Variants in CLTC observed in about 807,000 individuals in gnomAD.
CLTC encodes the protein clathrin heavy chain 1.
A neutral mutation model predicts 195.8 loss-of-function variants in CLTC; 16 were observed. That is an observed-to-expected ratio of 0.08 (90% confidence interval 0.06 to 0.12). The LOEUF (loss-of-function observed/expected upper bound fraction) is 0.12. CLTC is among the 10% of genes least tolerant of loss of function. CLTC has a pLI of 1.00. For missense variants in CLTC, 796 were observed against 2,027.0 expected (o/e 0.39, Z 11.66); for synonymous variants, 667 against 689.4 (o/e 0.97, Z 0.51).
intron 4 of CLTC, among the ~76,000 whole-genome samples, chr17:59,649,560 A>G (rs898680479): frequency 1.3e-5 from 2 of 152,214 alleles, no homozygotes; most frequent in Non-Finnish European, 2.9e-5. Flanking sequence ...CCCATCAGGA[A>G]GAGGGTTTAG....
At chr17:59,664,976 T>C in intron 10 of CLTC, 67 bp downstream of exon 10, 1 of 1,585,076 alleles carries the variant, frequency 6.3e-7, no homozygotes, top group Non-Finnish European at 8.6e-7. Context: ...GCCATGGTGG[T>C]TGACTTGGGA....
In CLTC at chr17:59,693,745, C is replaced by T; in HGVS notation, c.4921C>T (p.Leu1641=). Reference sequence around the variant, plus strand: ...TACTGTAGGTCAGCCCCAGTTGATGCTGACAGCAGGACCCAGTGTTGCCGT... The same window carrying T: ...TACTGTAGGTCAGCCCCAGTTGATGTTGACAGCAGGACCCAGTGTTGCCGT... ...PIVYGQPQLM[L]TAGPSVAVPP... Residue 1641 remains leucine, a synonymous_variant, in exon 32 of 32, where the codon CTG becomes TTG. Coordinates refer to ENST00000269122, the MANE Select transcript of CLTC (RefSeq NM_004859.4). The T allele has an allele frequency of 1.2e-6, 2 of 1,613,068 alleles. No homozygotes were observed. The highest frequency in any genetic ancestry group is 4.5e-5 in the East Asian group (2 of 44,720).
intron 1 of CLTC, among the ~76,000 whole-genome samples, 195 bp from the exon 2 acceptor site, chr17:59,644,081 T>C (rs1190980226): frequency 1.3e-5 from 2 of 152,226 alleles, no homozygotes; most frequent in African/African-American, 4.8e-5. Flanking sequence ...TTTGAAACAG[T>C]TGAATGGCAT....
intron 1 of CLTC, among the ~76,000 whole-genome samples, chr17:59,625,149 C>A (rs999349531): frequency 6.6e-6 from 1 of 151,002 alleles, no homozygotes; most frequent in African/African-American, 2.4e-5. Flanking sequence ...CTCACTCTGT[C>A]GCCAGGCTGG....
At position 59,696,017 on chromosome 17, in the gene CLTC, T is replaced by C. The variant is rs1598254056; in HGVS notation, c.*2165T>C. 2 of 206,934 alleles carry C rather than the reference T, an allele frequency of 9.7e-6. No homozygotes were observed. Among genetic ancestry groups the C allele is most frequent in the East Asian group, 7.4e-5 (1 of 13,594 alleles). The allele number at this position is 206,934 out of a possible 1,614,324, so 12.8% of individuals were successfully genotyped here. On this transcript the variant is annotated 3_prime_UTR_variant, in exon 32 of 32. Transcript: ENST00000269122. Reference sequence around the variant, plus strand: ...TTCATAGTATTCCTTTTAGTAGATATGCCATGACAGTTACTTAGCCACCCC... The same window carrying C: ...TTCATAGTATTCCTTTTAGTAGATACGCCATGACAGTTACTTAGCCACCCC...
At chr17:59,643,226 T>C (rs1368455921) in intron 1 of CLTC, among the ~76,000 whole-genome samples, 1 of 151,308 alleles carries the variant, frequency 6.6e-6, no homozygotes, top group African/African-American at 2.4e-5. Flanking sequence ...ATAAAACTAG[T>C]CTGGCCAAGG....
chr17:59,659,271 G>GGGA (rs1362415231), intron 6 of CLTC, among the ~76,000 whole-genome samples: 2 of 152,022 alleles, frequency 1.3e-5, no homozygotes, highest in Non-Finnish European at 2.9e-5. Context: ...GAATGGGATG[G>GGGA]ATGGGTAGAG....
intron 18 of CLTC, 138 bp from the exon 19 acceptor site, chr17:59,680,774 C>T (rs2033065847): frequency 1.7e-6 from 1 of 579,556 alleles, no homozygotes; most frequent in Non-Finnish European, 3.0e-6. Context: ...TGTAGAAAGA[C>T]CTCTCTATGT....
At position 59,682,626 on chromosome 17, in the gene CLTC, C is replaced by T; in HGVS notation, c.3601-3C>T. The T allele has an allele frequency of 6.2e-7, 1 of 1,602,666 alleles. No individual in the cohort carries two copies. The highest frequency in any genetic ancestry group is 8.5e-7 in the Non-Finnish European group (1 of 1,176,140). ...TGAATGTGGGTTACCTTTTTTTTTC[C>T]AGGTTGGTGACCGTTGTTATGATGA... On this transcript the variant is annotated splice_region_variant and splice_polypyrimidine_tract_variant and intron_variant, in intron 22 of 31. Transcript: ENST00000269122. The surrounding 1 kb of genome is among the most constrained non-coding windows in gnomAD (Gnocchi z 6.8).
Position 59,682,539 on chromosome 17 carries a change from ATTCT to A in CLTC, c.3601-85_3601-82del, listed in dbSNP as rs1398289371. On this transcript the variant is annotated intron_variant, in intron 22 of 31. Transcript: ENST00000269122. This position sits in a 1 kb window ranked among gnomAD's most constrained non-coding sequence, Gnocchi z 6.8. ...CAAGGAAAAATCTATAGGAAAACAA[ATTCT>A]TTCTCATTGTGAAGATATCAATTTG... 7 of 1,577,714 alleles carry A rather than the reference ATTCT, an allele frequency of 4.4e-6. No individual in the cohort carries two copies. The South Asian group carries it at 8.0e-5, about 18-fold the overall frequency.
rs1001854727 is a variant in CLTC at position 59,620,075 on chromosome 17, G to A, written c.-57G>A. 16 of 1,567,440 alleles carry A rather than the reference G, an allele frequency of 1.0e-5. No individual in the cohort carries two copies. Among genetic ancestry groups the A allele is most frequent in the Admixed American group, 1.7e-5 (1 of 59,640 alleles). On this transcript the variant is annotated 5_prime_UTR_variant, in exon 1 of 32. Coordinates refer to ENST00000269122, the MANE Select transcript of CLTC (RefSeq NM_004859.4). ...TCCTCCTCTCCCTTGGAGAGCCCGG[G>A]CAGCCACTGCCCCGCAGCCCCAGTG... is the stretch of plus-strand genomic sequence containing the variant.
chr17:59,663,184 T>C (rs966845638), intron 8 of CLTC, among the ~76,000 whole-genome samples: 19 of 152,206 alleles, frequency 1.2e-4, no homozygotes, highest in Non-Finnish European at 2.6e-4. Context: ...TACTATAGTA[T>C]GTAAACCAGA....
rs1447525435 is a variant in CLTC, at chr17:59,687,045, T to G, written c.4827+1237T>G. ...AGGTGAAAGTTGATTCTTTAACATC[T>G]TTAAGTCTGGAGGACTAAGTCTAAG... On this transcript the variant is annotated intron_variant, in intron 30 of 31. Coordinates refer to ENST00000269122, the MANE Select transcript of CLTC (RefSeq NM_004859.4). 3.0e-6 allele frequency: 3 copies of G among 984,126 alleles called. No homozygotes were observed. In the African/African-American group the frequency reaches 5.2e-5, roughly 17 times the overall value. 61.0% of individuals were successfully genotyped at this position (984,126 alleles called of 1,614,324 possible). A position where few individuals can be genotyped will look rare whatever the true frequency, so the allele number is the denominator to read the frequency against.
rs368317502 is a variant in CLTC at position 59,648,211 on chromosome 17, C to G, written c.520-29C>G. 5.1e-6 allele frequency: 8 copies of G among 1,576,428 alleles called. No individual in the cohort carries two copies. In the African/African-American group the frequency reaches 9.5e-5, roughly 19 times the overall value. On this transcript the variant is annotated intron_variant, in intron 3 of 31. Coordinates refer to ENST00000269122, the MANE Select transcript of CLTC (RefSeq NM_004859.4). This position sits in a 1 kb window ranked among gnomAD's most constrained non-coding sequence, Gnocchi z 4.5. The stretch of plus-strand genomic sequence containing the variant: ...TGAGAGTTTTTGATTTATGGGTCTT[C>G]AAACGTTATTCTCTTTGATCCTTTA...
intron 1 of CLTC, among the ~76,000 whole-genome samples, chr17:59,639,861 G>C (rs1326662883): frequency 6.6e-6 from 1 of 151,548 alleles, no homozygotes; most frequent in African/African-American, 2.4e-5. Context: ...GTACTGAGGA[G>C]GCTGAGGTAG....
chr17:59,692,945 G>A (rs937898014), intron 31 of CLTC, among the ~76,000 whole-genome samples: 1 of 152,030 alleles, frequency 6.6e-6, no homozygotes, highest in Non-Finnish European at 1.5e-5. Context: ...GCCCAAATGT[G>A]TCTTATTTTT....
chr17:59,665,458 G>A (rs2032707880), intron 10 of CLTC, among the ~76,000 whole-genome samples: 1 of 152,182 alleles, frequency 6.6e-6, no homozygotes. Flanking sequence ...TTGCCACTGG[G>A]TGTGGGGAGA....
Position 59,659,686 on chromosome 17 carries a change from G to GA in CLTC, c.970-704dup, listed in dbSNP as rs2032564342. On this transcript the variant is annotated intron_variant, in intron 6 of 31. Coordinates refer to ENST00000269122, the MANE Select transcript of CLTC (RefSeq NM_004859.4). ...GCTGGTCTTGAACTCCTGACCTCAT[G>GA]ATCCACCTGCCTTGGCCTCCCAAAG... Among the ~76,000 whole-genome samples, 15 of 152,018 alleles carry GA rather than the reference G, an allele frequency of 9.9e-5. 1 individual carries two copies. The South Asian group carries it at 2.9e-3, about 30-fold the overall frequency.
In CLTC at chr17:59,696,115, T is replaced by TAG. The variant is rs1411609376; in HGVS notation, c.*2263_*2264insAG. 1.9e-5 allele frequency: 4 copies of TAG among 215,312 alleles called. No individual in the cohort carries two copies. Among genetic ancestry groups the TAG allele is most frequent in the Non-Finnish European group, 2.8e-5 (3 of 106,862 alleles). 13.3% of individuals were successfully genotyped at this position (215,312 alleles called of 1,614,324 possible). A position where few individuals can be genotyped will look rare whatever the true frequency, so the allele number is the denominator to read the frequency against. On this transcript the variant is annotated 3_prime_UTR_variant, in exon 32 of 32. Coordinates refer to ENST00000269122, the MANE Select transcript of CLTC (RefSeq NM_004859.4). The stretch of plus-strand genomic sequence containing the variant: ...GTCTATCTGAGGCAAACCTCAGAAA[T>TAG]TACCTGAGCCAGAATCATGCACTTA...
Sources: gnomAD v4.1 joint callset for allele counts (sites outside exome capture counted in the v4.1 genomes callset) on GRCh38, gnomAD v4.1.1 for gene constraint, Gnocchi (gnomAD v3.1) non-coding constraint, MANE v1.5 for transcripts, NCBI Gene and HGNC (gene_info 2026-07-23, HGNC 2026-07-21) for gene names.